The following PCDH9 variants were observed in gnomAD, a reference collection of about 807,000 sequenced individuals.
PCDH9 encodes the protein protocadherin 9.
A neutral mutation model predicts 70.6 loss-of-function variants in PCDH9; 24 were observed. That is an observed-to-expected ratio of 0.34 (90% CI 0.25 to 0.48). The LOEUF is 0.48. Among genes scored for constraint, PCDH9 ranks in the 20% least tolerant of loss-of-function variants. PCDH9 has a pLI of 0.99. For missense variants in PCDH9, 1,281 were observed against 1,503.6 expected (o/e 0.85, Z 2.45); for synonymous variants, 562 against 558.5 (o/e 1.01, Z -0.09).
intron 2 of PCDH9, among the ~76,000 whole-genome samples, chr13:67,071,531 A>G (rs1566404475): frequency 6.6e-6 from 1 of 152,164 alleles, no homozygotes; most frequent in Non-Finnish European, 1.5e-5. Context: ...ATTTTTTTCT[A>G]TGTAAATAGA....
chr13:66,492,394 A>C (rs975052501), intron 4 of PCDH9, among the ~76,000 whole-genome samples: 15 of 150,104 alleles, frequency 1.0e-4, no homozygotes, highest in African/African-American at 3.6e-4. Flanking sequence ...TTAGCATTAA[A>C]TAGGTACACA....
intron 4 of PCDH9, among the ~76,000 whole-genome samples, chr13:66,608,012 G>A (rs544111810): frequency 6.6e-6 from 1 of 152,006 alleles, no homozygotes; most frequent in East Asian, 1.9e-4. Context: ...CATGTATTTA[G>A]TAAATAAATG....
intron 3 of PCDH9, among the ~76,000 whole-genome samples, chr13:66,743,795 A>C (rs2079312225): frequency 1.3e-5 from 2 of 152,164 alleles, no homozygotes; most frequent in Non-Finnish European, 2.9e-5. Flanking sequence ...AACTAAGTTA[A>C]AAAATTGAAA....
chr13:66,523,419 T>A (rs549712438), intron 4 of PCDH9, among the ~76,000 whole-genome samples: 114 of 152,086 alleles, frequency 7.5e-4, no homozygotes, highest in Non-Finnish European at 3.1e-4. Context: ...ATGAGAAAAA[T>A]AAACTGCCAA....
chr13:66,846,909 A>ACAC (rs71110612), intron 3 of PCDH9, among the ~76,000 whole-genome samples: 1 of 151,554 alleles, frequency 6.6e-6, no homozygotes, highest in Non-Finnish European at 1.5e-5. Flanking sequence ...ACACACACAC[A>ACAC]AACACACACA....
chr13:66,965,877 A>T (rs983832975), intron 2 of PCDH9, among the ~76,000 whole-genome samples: 3 of 151,964 alleles, frequency 2.0e-5, no homozygotes, highest in Non-Finnish European at 4.4e-5. Context: ...AAAATATTTT[A>T]TATATATTTC....
intron 4 of PCDH9, among the ~76,000 whole-genome samples, chr13:66,515,175 G>A (rs1959673468): frequency 6.6e-6 from 1 of 151,984 alleles, no homozygotes; most frequent in South Asian, 2.1e-4. Context: ...ATCATGTCCA[G>A]TTTTGCATAA....
At chr13:66,444,313 C>T (rs771248566) in intron 4 of PCDH9, among the ~76,000 whole-genome samples, 23 of 152,188 alleles carry the variant, frequency 1.5e-4, no homozygotes, top group Non-Finnish European at 3.4e-4. Flanking sequence ...ATGTGGTAGA[C>T]AGGGCTGAGA....
At chr13:66,710,217 C>A (rs979103915) in intron 3 of PCDH9, among the ~76,000 whole-genome samples, 4 of 152,006 alleles carry the variant, frequency 2.6e-5, no homozygotes, top group Non-Finnish European at 5.9e-5. Context: ...TAATATATAG[C>A]TTTATTTATA....
intron 3 of PCDH9, among the ~76,000 whole-genome samples, chr13:66,720,234 C>T (rs2078923643): frequency 6.6e-6 from 1 of 151,956 alleles, no homozygotes; most frequent in East Asian, 1.9e-4. Flanking sequence ...CTCACTGCAA[C>T]CTCCAGGTTC....
chr13:66,752,578 T>C (rs954416602), intron 3 of PCDH9, among the ~76,000 whole-genome samples: 1 of 152,220 alleles, frequency 6.6e-6, no homozygotes, highest in African/African-American at 2.4e-5. Context: ...ATTACAGGCA[T>C]GAGCCATGGT....
chr13:66,506,034 T>G (rs1959209682), intron 4 of PCDH9, among the ~76,000 whole-genome samples: 1 of 152,204 alleles, frequency 6.6e-6, no homozygotes, highest in South Asian at 2.1e-4. Flanking sequence ...CTTACATGTA[T>G]GTAGAGTAAA....
At chr13:66,498,573 G>T (rs149706185) in intron 4 of PCDH9, among the ~76,000 whole-genome samples, 88 of 152,130 alleles carry the variant, frequency 5.8e-4, no homozygotes, top group African/African-American at 2.1e-3. Context: ...TAACACTTTG[G>T]AAACTGTCAC....
intron 4 of PCDH9, among the ~76,000 whole-genome samples, chr13:66,444,686 G>A (rs1386864437): frequency 3.7e-4 from 56 of 151,948 alleles, no homozygotes; most frequent in Non-Finnish European, 7.4e-5. Flanking sequence ...TCAGTCTCCC[G>A]AGGAGCTGGG....
intron 3 of PCDH9, among the ~76,000 whole-genome samples, chr13:66,796,454 T>G (rs1032565175): frequency 1.3e-5 from 2 of 152,146 alleles, no homozygotes; most frequent in African/African-American, 2.4e-5. Flanking sequence ...AGTACCCCAG[T>G]TTTCTGCTGA....
intron 3 of PCDH9, among the ~76,000 whole-genome samples, chr13:66,868,949 T>C (rs1217435063): frequency 2.0e-5 from 3 of 152,156 alleles, no homozygotes; most frequent in Admixed American, 2.0e-4. Context: ...CTGTATATAA[T>C]AATGTAATAT....
At chr13:66,782,651 G>A (rs778927410) in intron 3 of PCDH9, 32 of 151,982 alleles carry the variant, frequency 2.1e-4, no homozygotes, top group East Asian at 7.7e-4. Context: ...ATTTATTTTC[G>A]CCATTCCTTT....
At chr13:66,790,337 T>C (rs2080144616) in intron 3 of PCDH9, among the ~76,000 whole-genome samples, 1 of 152,106 alleles carries the variant, frequency 6.6e-6, no homozygotes, top group Non-Finnish European at 1.5e-5. Context: ...CTTTGGATAG[T>C]AATCATTCAT....
intron 4 of PCDH9, among the ~76,000 whole-genome samples, chr13:66,538,010 A>C (rs1460686163): frequency 6.6e-6 from 1 of 152,118 alleles, no homozygotes; most frequent in African/African-American, 2.4e-5. Flanking sequence ...TTACAGGAAA[A>C]CAAAAAGGTA....
Sources: gnomAD v4.1 joint callset for allele counts (sites outside exome capture counted in the v4.1 genomes callset) on GRCh38, gnomAD v4.1.1 for gene constraint, MANE v1.5 for transcripts, NCBI Gene and HGNC (gene_info 2026-07-23, HGNC 2026-07-21) for gene names.